The following CALB2 variants were observed in gnomAD, a reference collection of about 807,000 sequenced individuals.
The protein encoded by CALB2 is calbindin 2, also known as calretinin.
A neutral mutation model predicts 45.9 loss-of-function variants in CALB2; 34 were observed. That is an observed-to-expected ratio of 0.74 (90% CI 0.56 to 0.99). The LOEUF (loss-of-function observed/expected upper bound fraction) is 0.99. CALB2 is among the 50% of genes least tolerant of loss of function. The pLI is 0.00. For missense variants in CALB2, 344 were observed against 339.3 expected, an observed-to-expected ratio of 1.01 and a Z score of -0.11; for synonymous variants, 142 against 129.6, an observed-to-expected ratio of 1.10 and a Z score of -0.65.
chr16:71,366,094 T>C (rs1414873486), intron 1 of CALB2, among the ~76,000 whole-genome samples: 4 of 138,522 alleles, frequency 2.9e-5, no homozygotes, highest in Non-Finnish European at 4.6e-5. Flanking sequence ...TGGCAGGATC[T>C]TGGCTCACTG....
intron 1 of CALB2, among the ~76,000 whole-genome samples, chr16:71,363,580 C>T (rs79724925): frequency 0.029 from 4,394 of 152,256 alleles, 223 homozygotes; most frequent in African/African-American, 0.1. Flanking sequence ...GGGCACGGGT[C>T]ACTGCTCATT....
chr16:71,384,122 C>G (rs1015780910), intron 7 of CALB2, 97 bp downstream of exon 7: 1 of 1,357,190 alleles, frequency 7.4e-7, no homozygotes, highest in Non-Finnish European at 1.1e-6. Context: ...GTGACAGGTG[C>G]GGGTGTCAAG....
chr16:71,377,643 G>A, intron 3 of CALB2, 24 bp from the exon 4 acceptor site: 1 of 1,575,148 alleles, frequency 6.3e-7, no homozygotes, highest in South Asian at 1.1e-5. Context: ...CATAACGTTA[G>A]TGTCGCTCTC....
chr16:71,366,230 G>T (rs2042286265), intron 1 of CALB2, among the ~76,000 whole-genome samples: 1 of 148,610 alleles, frequency 6.7e-6, no homozygotes, highest in Non-Finnish European at 1.5e-5. Context: ...ATTTCACCGT[G>T]TTAGCCAGGA....
In CALB2 at chr16:71,389,912, G is replaced by A. The variant is rs1598180874; in HGVS notation, c.*47G>A. 1.5e-6 allele frequency: 2 copies of A among 1,378,586 alleles called. No individual in the cohort carries two copies. The highest frequency in any genetic ancestry group is 1.0e-6 in the Non-Finnish European group (1 of 971,208). 85.4% of individuals were successfully genotyped at this position (1,378,586 alleles called of 1,614,324 possible). On this transcript the variant is annotated 3_prime_UTR_variant, in exon 11 of 11. Transcript: ENST00000302628. ...TCCACCTCCCCCAAACCCTGCTTCT[G>A]CTGCCCTGATGCGTCTACCCAGACT... is the stretch of plus-strand genomic sequence containing the variant.
chr16:71,386,580 A>G (rs895175156), intron 10 of CALB2, among the ~76,000 whole-genome samples: 1 of 152,184 alleles, frequency 6.6e-6, no homozygotes, highest in Non-Finnish European at 1.5e-5. Context: ...AGTTTGGTGC[A>G]CTGGGTGGAG....
chr16:71,384,544 ACACACACAGAC>A (rs1279009885), intron 8 of CALB2, among the ~76,000 whole-genome samples, 166 bp downstream of exon 8: 1 of 128,820 alleles, frequency 7.8e-6, no homozygotes, highest in Non-Finnish European at 1.6e-5. Context: ...CACACACAAA[ACACACACAGAC>A]CACACACACC....
In CALB2 at chr16:71,374,772, A is replaced by G. The variant is rs1266898518; in HGVS notation, c.199A>G (p.Lys67Glu). 3 of 1,613,656 alleles carry G rather than the reference A, an allele frequency of 1.9e-6. No homozygotes were observed. Among genetic ancestry groups the G allele is most frequent in the Non-Finnish European group, 2.5e-6 (3 of 1,179,652 alleles). ...MMSKSDNFGEKMKEFMQKYDK... is the reference protein window; with the variant it reads ...MMSKSDNFGEEMKEFMQKYDK... Reference sequence around the variant, plus strand: ...GTCAAAGAGTGACAACTTTGGAGAAAAGATGAAGGAGTTCATGCAGAAGTA... The same window carrying G: ...GTCAAAGAGTGACAACTTTGGAGAAGAGATGAAGGAGTTCATGCAGAAGTA... The change falls in exon 3 of 11, where the codon AAG (lysine) becomes GAG (glutamate). Residue 67 changes from lysine to glutamate, a missense_variant. Lys to Glu is a moderately conservative substitution (Grantham distance 56, BLOSUM62 1). Transcript: ENST00000302628.
chr16:71,361,509 C>A (rs2042238189), intron 1 of CALB2, among the ~76,000 whole-genome samples: 1 of 152,180 alleles, frequency 6.6e-6, no homozygotes, highest in Non-Finnish European at 1.5e-5. Context: ...CCCTACCACT[C>A]ACAATCTTAA....
At chr16:71,379,377 TCA>T (rs1214711254) in intron 4 of CALB2, among the ~76,000 whole-genome samples, 2 of 152,196 alleles carry the variant, frequency 1.3e-5, no homozygotes, top group Non-Finnish European at 2.9e-5. Flanking sequence ...AATATGATGT[TCA>T]AATTCATGTC....
At position 71,385,633 on chromosome 16, in the gene CALB2, C is replaced by G; in HGVS notation, c.684C>G (p.Tyr228Ter). Residue 228 changes from tyrosine (Y) to a stop codon, truncating the protein, a stop_gained, in exon 10 of 11, where the codon TAC (tyrosine) becomes TAG (stop). Coordinates refer to ENST00000302628, the MANE Select transcript of CALB2 (RefSeq NM_001740.5). LOFTEE classifies it high-confidence loss of function. ...TGGATGCCCTTTTGAAGGATCTGTA[C>G]GAGAAAAACAAAAAGGTGAGCAGCC... ...HELDALLKDL[Y>*]EKNKKEMNIQ... 7 of 1,613,760 alleles carry G rather than the reference C, an allele frequency of 4.3e-6. No homozygotes were observed. Among genetic ancestry groups the G allele is most frequent in the South Asian group, 1.1e-5 (1 of 91,062 alleles).
Position 71,389,750 on chromosome 16 carries a change from A to G in CALB2, c.701A>G (p.Glu234Gly). ...TTACCCTCTCCCTGTATTTCCTAGG[A>G]AATGAATATTCAACAGCTCACCAAC... ...LKDLYEKNKK[E>G]MNIQQLTNYR... Residue 234 changes from glutamate to glycine, a missense_variant and splice_region_variant, in exon 11 of 11, where the codon GAA becomes GGA. Around this residue, in one of 3 missense-constraint regions of CALB2, gnomAD observed 263 missense variants for 241.7 expected, o/e 1.09. Transcript: ENST00000302628. The G allele has an allele frequency of 6.2e-7, 1 of 1,612,260 alleles. No homozygotes were observed.
intron 10 of CALB2, 24 bp downstream of exon 10, chr16:71,385,672 G>T: frequency 1.5e-5 from 24 of 1,606,764 alleles, no homozygotes; most frequent in Non-Finnish European, 2.0e-5. Flanking sequence ...CCTGAGGCCC[G>T]GCCACTGTCC....
At chr16:71,359,669 T>C (rs2042218720) in intron 1 of CALB2, among the ~76,000 whole-genome samples, 1 of 152,146 alleles carries the variant, frequency 6.6e-6, no homozygotes, top group Admixed American at 6.5e-5. Flanking sequence ...CAAATGACCT[T>C]TGGAGGTAGC....
intron 4 of CALB2, among the ~76,000 whole-genome samples, chr16:71,378,741 A>T (rs907082002): frequency 2.0e-5 from 3 of 152,208 alleles, no homozygotes; most frequent in African/African-American, 7.2e-5. Flanking sequence ...GGTCATTTGC[A>T]TATCACAGGC....
chr16:71,385,504 C>A, intron 9 of CALB2, 73 bp from the exon 10 acceptor site: 1 of 1,323,886 alleles, frequency 7.6e-7, no homozygotes, highest in Non-Finnish European at 1.1e-6. Flanking sequence ...GACTCTTAGA[C>A]ATCCCTGGAA....
intron 7 of CALB2, 118 bp downstream of exon 7, chr16:71,384,143 C>A: frequency 1.7e-6 from 2 of 1,196,080 alleles, no homozygotes; most frequent in South Asian, 1.2e-5. Context: ...AAGCTCAAGA[C>A]AAAGCAAGAT....
chr16:71,381,485 G>A (rs1375832556), intron 4 of CALB2, among the ~76,000 whole-genome samples: 1 of 151,586 alleles, frequency 6.6e-6, no homozygotes, highest in African/African-American at 2.4e-5. Context: ...GTTTGCTGGT[G>A]TTTAAAAAGA....
chr16:71,383,322 C>T (rs370989254), intron 5 of CALB2, 45 bp from the exon 6 acceptor site: 16 of 1,538,056 alleles, frequency 1.0e-5, no homozygotes, highest in African/African-American at 5.5e-5. Flanking sequence ...AATGAGGGAC[C>T]GAATGCACGA....
Sources: gnomAD v4.1 joint callset for allele counts (sites outside exome capture counted in the v4.1 genomes callset) on GRCh38, gnomAD v4.1.1 for gene constraint, gnomAD v4.1.1 regional missense constraint, MANE v1.5 for transcripts, NCBI Gene and HGNC (gene_info 2026-07-23, HGNC 2026-07-21) for gene names.